Variants in SLC7A11 observed in about 807,000 individuals in gnomAD.
The protein encoded by SLC7A11 is cystine/glutamate transporter.
Under a neutral mutation model 54.5 loss-of-function variants are expected in SLC7A11, and 35 were observed. The ratio of observed to expected loss-of-function variants is 0.64; its 90% CI spans 0.49 to 0.85. The LOEUF is 0.85. Among genes scored for constraint, SLC7A11 ranks in the 40% least tolerant of loss-of-function variants. SLC7A11 has a pLI of 0.00. For synonymous variants in SLC7A11, 230 were observed against 225.2 expected (o/e 1.02, Z -0.19); for missense variants, 583 against 618.1 (o/e 0.94, Z 0.60).
chr4:138,178,833 A>T (rs1005342738), intron 11 of SLC7A11, among the ~76,000 whole-genome samples: 1 of 152,108 alleles, frequency 6.6e-6, no homozygotes, highest in Non-Finnish European at 1.5e-5. Context: ...TAACTCCCCA[A>T]CAAATCTCGT....
Position 138,185,173 on chromosome 4 carries a change from T to C in SLC7A11, c.863A>G (p.Tyr288Cys). Residue 288 changes from tyrosine (Y) to cysteine (C), a missense_variant, in exon 7 of 12, where the codon TAC becomes TGC. Coordinates refer to ENST00000280612, the MANE Select transcript of SLC7A11 (RefSeq NM_014331.4). ...TIGYVLTNVAYFTTINAEELL... is the reference protein window; with the variant it reads ...TIGYVLTNVACFTTINAEELL... ...CTCCTCAGCATTAATGGTCGTAAAGTAGGCCACATTTGTCAGCACATAGCC... is the reference window on the plus strand; with the variant it reads ...CTCCTCAGCATTAATGGTCGTAAAGCAGGCCACATTTGTCAGCACATAGCC... 1 of 1,612,984 alleles carries C rather than the reference T, an allele frequency of 6.2e-7. No individual in the cohort carries two copies.
At chr4:138,218,441 G>A (rs1278365346) in intron 5 of SLC7A11, among the ~76,000 whole-genome samples, 2 of 152,064 alleles carry the variant, frequency 1.3e-5, no homozygotes, top group African/African-American at 2.4e-5. Context: ...TACCTTGTAG[G>A]CTTTCTTGCA....
At chr4:138,188,574 G>T (rs1261286719) in intron 6 of SLC7A11, among the ~76,000 whole-genome samples, 1 of 152,150 alleles carries the variant, frequency 6.6e-6, no homozygotes, top group Non-Finnish European at 1.5e-5. Flanking sequence ...CTAGGTTTCA[G>T]GTATCAAAGT....
intron 10 of SLC7A11, among the ~76,000 whole-genome samples, chr4:138,180,431 GTTC>G (rs1187219907): frequency 4.6e-5 from 7 of 152,074 alleles, no homozygotes; most frequent in Non-Finnish European, 8.8e-5. Flanking sequence ...GACATACAAA[GTTC>G]AAGCCCATCA....
chr4:138,237,721 A>T lies in SLC7A11; in HGVS notation c.278-1270T>A, dbSNP rs866086192. Among the ~76,000 whole-genome samples, 6 of 7,830 alleles carry T rather than the reference A, an allele frequency of 7.7e-4. 1 individual carries two copies. Among genetic ancestry groups the T allele is most frequent in the Admixed American group, 2.3e-3 (1 of 438 alleles). 5.1% of individuals were successfully genotyped at this position (7,830 alleles called of 152,430 possible). ...CCAGAATATATATATATATATATAT[A>T]TATATATATATATATATTTTTTTTT... On this transcript the variant is annotated intron_variant, in intron 1 of 11. Transcript: ENST00000280612.
At position 138,236,395 on chromosome 4, in the gene SLC7A11, T is replaced by G; in HGVS notation, c.334A>C (p.Thr112Pro). The G allele has an allele frequency of 3.1e-6, 5 of 1,613,178 alleles. No homozygotes were observed. Among genetic ancestry groups the G allele is most frequent in the Admixed American group, 1.7e-5 (1 of 60,002 alleles). The change falls in exon 2 of 12, where the codon ACA becomes CCA. Residue 112 changes from threonine to proline, a missense_variant. Physicochemically the swap from Thr to Pro is conservative, Grantham distance 38. Coordinates refer to ENST00000280612, the MANE Select transcript of SLC7A11 (RefSeq NM_014331.4). ...TTIKKSGGHY[T>P]YILEVFGPLP... ...GGACCAAAGACTTCCAAAATATATG[T>G]GTAATGACCTCCAGATTTCTTTATA... is the stretch of plus-strand genomic sequence containing the variant.
intron 4 of SLC7A11, among the ~76,000 whole-genome samples, chr4:138,222,025 C>G (rs1244519497): frequency 1.3e-5 from 2 of 152,174 alleles, no homozygotes; most frequent in Non-Finnish European, 2.9e-5. Flanking sequence ...AGCAGGCTAG[C>G]TCTGTGGAGG....
intron 5 of SLC7A11, among the ~76,000 whole-genome samples, chr4:138,218,482 A>G (rs1737730137): frequency 6.6e-6 from 1 of 152,196 alleles, no homozygotes; most frequent in African/African-American, 2.4e-5. Flanking sequence ...TTACAAGGTC[A>G]ATAAAATTTA....
At position 138,170,230 on chromosome 4, in the gene SLC7A11, A is replaced by ATATATAT. The variant is rs1266957020; in HGVS notation, c.*1725_*1726insATATATA. On this transcript the variant is annotated 3_prime_UTR_variant, in exon 12 of 12. Transcript: ENST00000280612. ...CTATATATATATATATATATATATAAAAAGTGTGTGTGTGTGTGTGTATAT... is the reference window on the plus strand; with the variant it reads ...CTATATATATATATATATATATATAATATATATAAAGTGTGTGTGTGTGTGTGTATAT... The ATATATAT allele has an allele frequency of 6.5e-4, 64 of 98,278 alleles. 1 individual carries two copies. Among genetic ancestry groups the ATATATAT allele is most frequent in the Non-Finnish European group, 1.1e-3 (53 of 49,760 alleles). The allele number at this position is 98,278 out of a possible 1,614,324, so 6.1% of individuals were successfully genotyped here. A position where few individuals can be genotyped will look rare whatever the true frequency, so the allele number is the denominator to read the frequency against.
chr4:138,224,544 T>C (rs1385414019), intron 3 of SLC7A11, among the ~76,000 whole-genome samples: 4 of 152,108 alleles, frequency 2.6e-5, no homozygotes, highest in Non-Finnish European at 5.9e-5. Flanking sequence ...ATATAGTTAC[T>C]AGCTCACTTC....
chr4:138,235,589 C>T (rs1738189897), intron 2 of SLC7A11, among the ~76,000 whole-genome samples: 2 of 152,134 alleles, frequency 1.3e-5, no homozygotes. Flanking sequence ...AGACTGTGCA[C>T]ATCACATTTT....
intron 5 of SLC7A11, among the ~76,000 whole-genome samples, chr4:138,216,799 A>G (rs4429772): frequency 0.17 from 25,705 of 152,128 alleles, 2,475 homozygotes; most frequent in East Asian, 0.32. Flanking sequence ...CTCATTTTCA[A>G]TGCCCTTTTA....
chr4:138,205,189 G>A (rs897610455), intron 6 of SLC7A11, among the ~76,000 whole-genome samples: 1 of 152,006 alleles, frequency 6.6e-6, no homozygotes, highest in Non-Finnish European at 1.5e-5. Flanking sequence ...CAAACAGCTA[G>A]TTAAAAAGAG....
chr4:138,214,215 A>G (rs1737625321), intron 6 of SLC7A11, among the ~76,000 whole-genome samples: 1 of 152,072 alleles, frequency 6.6e-6, no homozygotes, highest in Admixed American at 6.6e-5. Context: ...ATTGTTAGAA[A>G]TAATTAACTT....
chr4:138,210,625 C>T (rs562352008), intron 6 of SLC7A11, among the ~76,000 whole-genome samples: 1 of 151,988 alleles, frequency 6.6e-6, no homozygotes, highest in Non-Finnish European at 1.5e-5. Context: ...ATACAAATGG[C>T]CAGCAAACAT....
intron 8 of SLC7A11, 96 bp from the exon 9 acceptor site, chr4:138,182,489 C>A: frequency 1.4e-6 from 1 of 722,636 alleles, no homozygotes; most frequent in South Asian, 1.6e-5. Flanking sequence ...TCTTTTCATA[C>A]CAAATGGTCA....
intron 9 of SLC7A11, 33 bp from the exon 10 acceptor site, chr4:138,180,823 T>G: frequency 6.3e-7 from 1 of 1,596,782 alleles, no homozygotes. Flanking sequence ...GCTTGGTGAA[T>G]TCAGTGAAAA....
In SLC7A11 at chr4:138,170,291, CACAT is replaced by C. The variant is rs1271105418; in HGVS notation, c.*1661_*1664del. 9.7e-6 allele frequency: 1 copy of C among 103,502 alleles called. No homozygotes were observed. 6.4% of individuals were successfully genotyped at this position (103,502 alleles called of 1,614,324 possible). ...ATATATACACACACACACACACACA[CACAT>C]ACACACACATATATATATATATATA... On this transcript the variant is annotated 3_prime_UTR_variant, in exon 12 of 12. Coordinates refer to ENST00000280612, the MANE Select transcript of SLC7A11 (RefSeq NM_014331.4).
At position 138,232,260 on chromosome 4, in the gene SLC7A11, T is replaced by C. The variant is rs1419464980; in HGVS notation, c.520+7A>G. 3.3e-6 allele frequency: 5 copies of C among 1,518,748 alleles called. No individual in the cohort carries two copies. The African/African-American group carries it at 4.1e-5, about 12-fold the overall frequency. The allele number at this position is 1,518,748 out of a possible 1,614,324, so 94.1% of individuals were successfully genotyped here. On this transcript the variant is annotated splice_region_variant and intron_variant, in intron 3 of 11. Transcript: ENST00000280612. ...TCCTTTTTCACATATATAGCTATAA[T>C]ACTCACTTATGCCCACAGCTGTAAT...
Sources: allele counts gnomAD v4.1 joint callset (sites outside exome capture counted in the v4.1 genomes callset), GRCh38; gene constraint gnomAD v4.1.1; transcripts MANE v1.5; gene names NCBI Gene and HGNC (gene_info 2026-07-23, HGNC 2026-07-21).